Variants in CRPPA observed in about 807,000 individuals in gnomAD.
CRPPA encodes CDP-L-ribitol pyrophosphorylase A.
CRPPA carries 43 observed loss-of-function variants against 52.0 expected under a neutral mutation model. The ratio of observed to expected loss-of-function variants is 0.83; its 90% CI spans 0.65 to 1.07. The LOEUF (loss-of-function observed/expected upper bound fraction) is 1.07, where lower values mean the gene tolerates loss of function less well. Among genes scored for constraint, CRPPA ranks in the 50% least tolerant of loss-of-function variants. The pLI is 0.00. For missense variants in CRPPA, 629 were observed against 551.7 expected (o/e 1.14, Z -1.40); for synonymous variants, 250 against 203.5 (o/e 1.23, Z -1.94).
chr7:16,120,253 A>G (rs1205077578), intron 9 of CRPPA, among the ~76,000 whole-genome samples: 2 of 152,160 alleles, frequency 1.3e-5, no homozygotes, highest in Non-Finnish European at 2.9e-5. Context: ...ATCTTGTTAA[A>G]TTAATTTAGC....
intron 3 of CRPPA, among the ~76,000 whole-genome samples, chr7:16,339,638 G>A (rs1342895891): frequency 6.6e-6 from 1 of 152,180 alleles, no homozygotes; most frequent in Admixed American, 6.5e-5. Flanking sequence ...CAGGAATAGG[G>A]CAAGGATTTC....
At chr7:16,197,232 G>C (rs1781759454) in intron 9 of CRPPA, among the ~76,000 whole-genome samples, 1 of 152,194 alleles carries the variant, frequency 6.6e-6, no homozygotes, top group Non-Finnish European at 1.5e-5. Flanking sequence ...GCTTTCCACT[G>C]TGTACAAGTA....
intron 8 of CRPPA, chr7:16,248,104 GC>G (rs1372752351): frequency 9.8e-5 from 15 of 152,318 alleles, no homozygotes; most frequent in African/African-American, 2.6e-4. Context: ...ACTTTGGAAG[GC>G]AGGAGTATTG....
chr7:16,352,202 G>C (rs1027019609), intron 3 of CRPPA, among the ~76,000 whole-genome samples: 1 of 151,774 alleles, frequency 6.6e-6, no homozygotes, highest in African/African-American at 2.4e-5. Context: ...TCATAAGTGG[G>C]AGTTGAACAA....
intron 9 of CRPPA, among the ~76,000 whole-genome samples, chr7:16,158,095 A>G (rs1173427264): frequency 1.3e-5 from 2 of 148,668 alleles, no homozygotes; most frequent in East Asian, 4.0e-4. Context: ...CATGTTGGCC[A>G]GGCTGATCTT....
At chr7:16,340,668 T>C (rs370133952) in intron 3 of CRPPA, among the ~76,000 whole-genome samples, 31 of 149,986 alleles carry the variant, frequency 2.1e-4, no homozygotes, top group African/African-American at 7.6e-4. Flanking sequence ...GAATCCAGAA[T>C]AGTACATCCA....
chr7:16,149,262 T>C (rs184590106), intron 9 of CRPPA, among the ~76,000 whole-genome samples: 58 of 152,332 alleles, frequency 3.8e-4, no homozygotes, highest in African/African-American at 1.2e-3. Flanking sequence ...AGAGGAGCTA[T>C]AAGTAAACAG....
chr7:16,311,970 T>C (rs549248505), intron 3 of CRPPA, among the ~76,000 whole-genome samples: 205 of 152,182 alleles, frequency 1.3e-3, no homozygotes, highest in Non-Finnish European at 2.2e-3. Context: ...TTTCATTCCA[T>C]AGATCCATTT....
At chr7:16,197,280 C>T (rs1781760613) in intron 9 of CRPPA, among the ~76,000 whole-genome samples, 1 of 152,280 alleles carries the variant, frequency 6.6e-6, no homozygotes, top group Admixed American at 6.5e-5. Context: ...AATACACTTT[C>T]TCAAAAAATA....
At chr7:16,237,314 G>A (rs1583455099) in intron 8 of CRPPA, 3 of 152,218 alleles carry the variant, frequency 2.0e-5, no homozygotes, top group African/African-American at 7.2e-5. Flanking sequence ...CACAGTTCTG[G>A]AAGTTGGAAG....
At chr7:16,199,041 C>T (rs1781795275) in intron 9 of CRPPA, among the ~76,000 whole-genome samples, 1 of 152,142 alleles carries the variant, frequency 6.6e-6, no homozygotes, top group Non-Finnish European at 1.5e-5. Flanking sequence ...CTAGCCTAAA[C>T]ACATTCACAC....
At chr7:16,271,873 A>C (rs1047447269) in intron 6 of CRPPA, among the ~76,000 whole-genome samples, 3 of 152,210 alleles carry the variant, frequency 2.0e-5, no homozygotes, top group Admixed American at 6.5e-5. Context: ...TGCTCAGTTC[A>C]ACTCCCTGTA....
At chr7:16,393,279 C>A (rs1304471049) in intron 2 of CRPPA, among the ~76,000 whole-genome samples, 2 of 152,070 alleles carry the variant, frequency 1.3e-5, no homozygotes, top group African/African-American at 4.8e-5. Flanking sequence ...GAAAATTAAA[C>A]AACAGAAGTG....
intron 1 of CRPPA, among the ~76,000 whole-genome samples, chr7:16,414,137 C>G (rs1488287095): frequency 1.5e-4 from 23 of 152,096 alleles, no homozygotes; most frequent in Non-Finnish European, 1.5e-5. Flanking sequence ...TAAGCATTGT[C>G]CTCCACCTAA....
chr7:16,399,388 A>T (rs1562682499), intron 2 of CRPPA, among the ~76,000 whole-genome samples: 1 of 148,290 alleles, frequency 6.7e-6, no homozygotes, highest in Non-Finnish European at 1.5e-5. Context: ...ACACGATTGA[A>T]GTGATTGGCA....
At chr7:16,277,587 C>T (rs1223816822) in intron 6 of CRPPA, among the ~76,000 whole-genome samples, 1 of 152,014 alleles carries the variant, frequency 6.6e-6, no homozygotes, top group Non-Finnish European at 1.5e-5. Context: ...AATGGCAGTG[C>T]TTGGTGGTAA....
At chr7:16,116,901 C>T (rs528348171) in intron 9 of CRPPA, among the ~76,000 whole-genome samples, 13 of 152,148 alleles carry the variant, frequency 8.5e-5, no homozygotes, top group South Asian at 2.1e-4. Flanking sequence ...ACAGGGACTC[C>T]GCCCAGGTAC....
intron 8 of CRPPA, among the ~76,000 whole-genome samples, chr7:16,226,745 A>G (rs908226926): frequency 4.6e-5 from 7 of 151,966 alleles, no homozygotes; most frequent in African/African-American, 1.7e-4. Context: ...TGAAGCATAC[A>G]TTAGTTATGG....
rs192925278 is a variant in CRPPA at position 16,421,291 on chromosome 7, G to A, written c.32C>T (p.Pro11Leu). 1.6e-6 allele frequency: 2 copies of A among 1,270,768 alleles called. No homozygotes were observed. The highest frequency in any genetic ancestry group is 2.0e-6 in the Non-Finnish European group (2 of 1,003,100). 78.7% of individuals were successfully genotyped at this position (1,270,768 alleles called of 1,614,324 possible). Reference protein sequence around the residue: MEAGPPGSARPAEPGPCLSGQ... With the variant: MEAGPPGSARLAEPGPCLSGQ... ...ACTCAGGCAAGGACCCGGCTCCGCC[G>A]GCCTGGCGCTGCCCGGCGGCCCGGC... Residue 11 changes from proline to leucine, a missense_variant, in exon 1 of 10, where the codon CCG becomes CTG. By Grantham distance (98) the Pro-to-Leu change is moderately conservative. Transcript: ENST00000407010.
Sources: gnomAD v4.1 joint callset for allele counts (sites outside exome capture counted in the v4.1 genomes callset) on GRCh38, gnomAD v4.1.1 for gene constraint, MANE v1.5 for transcripts, NCBI Gene and HGNC (gene_info 2026-07-23, HGNC 2026-07-21) for gene names.